GBF1: variants seen among roughly 807,000 people sequenced by gnomAD.
The protein encoded by GBF1 is Golgi-specific brefeldin A-resistance guanine nucleotide exchange factor 1.
A neutral mutation model predicts 210.5 loss-of-function variants in GBF1; 114 were observed. The ratio of observed to expected loss-of-function variants is 0.54; its 90% CI spans 0.47 to 0.63. The LOEUF (loss-of-function observed/expected upper bound fraction) is 0.63. GBF1 is among the 30% of genes least tolerant of loss of function. GBF1 has a pLI of 0.00. For synonymous variants in GBF1, 850 were observed against 889.2 expected (o/e 0.96, Z 0.78); for missense variants, 1,851 against 2,357.7 (o/e 0.79, Z 4.45).
intron 1 of GBF1, among the ~76,000 whole-genome samples, chr10:102,250,218 G>C (rs2071341308): frequency 6.6e-6 from 1 of 152,064 alleles, no homozygotes; most frequent in African/African-American, 2.4e-5. Flanking sequence ...TTTTGAGACA[G>C]AGTCTCTCTC....
chr10:102,361,292 G>C (rs977632570), intron 13 of GBF1, 172 bp downstream of exon 13: 1 of 587,364 alleles, frequency 1.7e-6, no homozygotes, highest in Non-Finnish European at 3.0e-6. Flanking sequence ...TTGTGGAAAA[G>C]TTAAAAGGAG....
chr10:102,260,307 A>C (rs1026936717), intron 3 of GBF1, among the ~76,000 whole-genome samples, 191 bp downstream of exon 3: 3 of 151,950 alleles, frequency 2.0e-5, no homozygotes, highest in African/African-American at 7.3e-5. Context: ...TATATAAATA[A>C]ATGAGAAATA....
the GBF1 span, among the ~76,000 whole-genome samples, chr10:102,239,524 G>C: frequency 6.6e-6 from 1 of 152,150 alleles, no homozygotes; most frequent in Non-Finnish European, 1.5e-5. Flanking sequence ...ATCAAAATAG[G>C]GCAAATGAAA....
chr10:102,312,397 G>C (rs1040577515), intron 3 of GBF1, among the ~76,000 whole-genome samples: 2 of 152,106 alleles, frequency 1.3e-5, no homozygotes, highest in Non-Finnish European at 2.9e-5. Flanking sequence ...CTTTTGCTTA[G>C]CTGTAGCCAC....
At chr10:102,231,834 C>T in the GBF1 span, 2 of 1,591,448 alleles carry the variant, frequency 1.3e-6, no homozygotes, top group South Asian at 1.1e-5. Context: ...CCCAAGCCAG[C>T]GCATATTCTC....
At chr10:102,336,132 T>G (rs570309051) in intron 3 of GBF1, among the ~76,000 whole-genome samples, 5 of 151,748 alleles carry the variant, frequency 3.3e-5, no homozygotes, top group Non-Finnish European at 7.4e-5. Flanking sequence ...AAATCCCATC[T>G]CTACTAGAAA....
chr10:102,245,663 C>T lies in GBF1; in HGVS notation c.-129C>T, dbSNP rs2070737158. ...TTCCAGGAAACAGGCTCCTTCTCTT[C>T]TCCCATCTGCTACCAGAGCCGGGAG... On this transcript the variant is annotated 5_prime_UTR_variant, in exon 1 of 40. Transcript: ENST00000369983. The T allele has an allele frequency of 1.3e-5, 2 of 152,312 alleles. No homozygotes were observed. Among genetic ancestry groups the T allele is most frequent in the African/African-American group, 4.8e-5 (2 of 41,460 alleles). The allele number at this position is 152,312 out of a possible 1,614,324, so 9.4% of individuals were successfully genotyped here. A position where few individuals can be genotyped will look rare whatever the true frequency, so the allele number is the denominator to read the frequency against.
intron 4 of GBF1, 143 bp from the exon 5 acceptor site, chr10:102,351,113 G>A: frequency 1.8e-6 from 1 of 554,470 alleles, no homozygotes; most frequent in Non-Finnish European, 3.2e-6. Context: ...AATCAGTTGT[G>A]GGCAAAAATT....
rs778975217 is a variant in GBF1, at chr10:102,363,777, T to G, written c.2085T>G (p.Ile695Met). ...SCLLPDPREL[I>M]EIKNKKKLLI... ...TCCTGCCAGATCCACGGGAACTAAT[T>G]GAAATTAAAAACAAAAAGAAGGTAC... The change falls in exon 17 of 40, where the codon ATT becomes ATG. Residue 695 changes from isoleucine to methionine, a missense_variant. By Grantham distance (10) the Ile-to-Met change is conservative. Around this residue, in one of 3 missense-constraint regions of GBF1, gnomAD observed 804 missense variants for 958.6 expected, o/e 0.84. Coordinates refer to ENST00000369983, the MANE Select transcript of GBF1 (RefSeq NM_001377137.1). The surrounding 1 kb of genome is among the most constrained non-coding windows in gnomAD (Gnocchi z 4.2). The G allele has an allele frequency of 1.9e-6, 3 of 1,610,936 alleles. No homozygotes were observed. The highest frequency in any genetic ancestry group is 2.5e-6 in the Non-Finnish European group (3 of 1,177,280).
At chr10:102,242,872 T>G (rs1280858446), upstream of GBF1, among the ~76,000 whole-genome samples, 1 of 144,948 alleles carries the variant, frequency 6.9e-6, no homozygotes, top group Non-Finnish European at 1.5e-5. Context: ...GAGCTTGCAG[T>G]GAGCTGAGAT....
intron 3 of GBF1, among the ~76,000 whole-genome samples, chr10:102,277,563 G>A (rs940978252): frequency 6.6e-6 from 1 of 151,994 alleles, no homozygotes; most frequent in African/African-American, 2.4e-5. Context: ...ATTTTTAGTA[G>A]AGACAGGGTT....
At chr10:102,362,720 A>G (rs1169222362) in intron 15 of GBF1, 56 bp downstream of exon 15, 4 of 1,389,986 alleles carry the variant, frequency 2.9e-6, no homozygotes, top group South Asian at 2.4e-5. Flanking sequence ...TCCCTTCTCT[A>G]CTCTCTGAGT....
At chr10:102,319,890 A>C (rs1037030211) in intron 3 of GBF1, among the ~76,000 whole-genome samples, 2 of 151,328 alleles carry the variant, frequency 1.3e-5, no homozygotes, top group African/African-American at 4.9e-5. Context: ...CACCACGCCC[A>C]ACTAATTTTT....
At position 102,354,564 on chromosome 10, in the gene GBF1, A is replaced by G. The variant is rs545833926; in HGVS notation, c.639+910A>G. On this transcript the variant is annotated intron_variant, in intron 8 of 39. Transcript: ENST00000369983. ...GTCCCATTTCCATTGTGTAGAGCAC[A>G]ACTTACTCCTCCCTAGTAACACAGC... 2.0e-5 allele frequency among the ~76,000 whole-genome samples: 3 copies of G among 152,188 alleles called. No individual in the cohort carries two copies. In the East Asian group the frequency reaches 5.8e-4, roughly 29 times the overall value.
intron 3 of GBF1, among the ~76,000 whole-genome samples, chr10:102,291,674 C>T (rs2076448121): frequency 6.6e-6 from 1 of 152,116 alleles, no homozygotes; most frequent in Non-Finnish European, 1.5e-5. Context: ...ATTTGGCTTC[C>T]TAAGTAAGAA....
At chr10:102,365,844 G>A (rs900512059) in intron 18 of GBF1, among the ~76,000 whole-genome samples, 2 of 150,852 alleles carry the variant, frequency 1.3e-5, no homozygotes, top group South Asian at 2.1e-4. Context: ...CTGGGAGTTC[G>A]AGGCTGCAGT....
intron 3 of GBF1, among the ~76,000 whole-genome samples, chr10:102,262,801 G>A (rs757612512): frequency 1.3e-5 from 2 of 152,202 alleles, no homozygotes; most frequent in African/African-American, 2.4e-5. Flanking sequence ...TGAGTCTGAC[G>A]CCTGATTTCC....
chr10:102,374,217 G>A (rs1351836155), intron 29 of GBF1, among the ~76,000 whole-genome samples: 1 of 152,052 alleles, frequency 6.6e-6, no homozygotes, highest in Non-Finnish European at 1.5e-5. Flanking sequence ...AGGCGTGGTG[G>A]CTCGCACCTG....
In GBF1 at chr10:102,278,800, T is replaced by C. The variant is rs117127938; in HGVS notation, c.163+18684T>C. ...GTGTGTCTATCGTGAATCTGTAATA[T>C]ATACCACTACTGATATAGGGTCCTT... On this transcript the variant is annotated intron_variant, in intron 3 of 39. Coordinates refer to ENST00000369983, the MANE Select transcript of GBF1 (RefSeq NM_001377137.1). Among the ~76,000 whole-genome samples the C allele has an allele frequency of 3.9e-3, 596 of 152,356 alleles. 15 individuals are homozygous for C. In the East Asian group the frequency reaches 0.079, roughly 20 times the overall value.
Sources: gnomAD v4.1 joint callset for allele counts (sites outside exome capture counted in the v4.1 genomes callset) on GRCh38, gnomAD v4.1.1 for gene constraint, gnomAD v4.1.1 regional missense constraint, Gnocchi (gnomAD v3.1) non-coding constraint, MANE v1.5 for transcripts, NCBI Gene and HGNC (gene_info 2026-07-23, HGNC 2026-07-21) for gene names.